The following CDKN1C variants were observed in gnomAD, a reference collection of about 807,000 sequenced individuals.
The protein encoded by CDKN1C is cyclin dependent kinase inhibitor 1C.
Under a neutral mutation model 16.5 loss-of-function variants are expected in CDKN1C, and 7 were observed. The ratio of observed to expected loss-of-function variants is 0.42; its 90% CI spans 0.24 to 0.80. The LOEUF (loss-of-function observed/expected upper bound fraction) is 0.80. Among genes scored for constraint, CDKN1C ranks in the 30% least tolerant of loss-of-function variants. The pLI is 0.26. For missense variants in CDKN1C, 429 were observed against 437.3 expected (o/e 0.98, Z 0.17); for synonymous variants, 288 against 214.4 (o/e 1.34, Z -3.00).
intron 2 of CDKN1C, 163 bp downstream of exon 2, chr11:2,884,507 G>C (rs1462730579): frequency 2.7e-6 from 1 of 370,990 alleles, no homozygotes; most frequent in African/African-American, 2.1e-5. Context: ...ACAACAACGG[G>C]GCGGGGAGGG....
rs2133780392 is a variant in CDKN1C at position 2,884,137 on chromosome 11, G to A, written c.788-3C>T. The A allele has an allele frequency of 1.4e-6, 2 of 1,474,866 alleles. No homozygotes were observed. The highest frequency in any genetic ancestry group is 1.8e-6 in the Non-Finnish European group (2 of 1,108,364). The allele number at this position is 1,474,866 out of a possible 1,614,324, so 91.4% of individuals were successfully genotyped here. A position where few individuals can be genotyped will look rare whatever the true frequency, so the allele number is the denominator to read the frequency against. ...TCTCTTGCGCTTGGCGAAGAAATCT[G>A]CGGGCGACAGCGCGCGCGGCCGGTC... On this transcript the variant is annotated splice_region_variant and splice_polypyrimidine_tract_variant and intron_variant, in intron 2 of 3. Transcript: ENST00000440480.
In CDKN1C at chr11:2,884,159, G is replaced by A. The variant is rs978900502; in HGVS notation, c.788-25C>T. The A allele has an allele frequency of 5.5e-6, 8 of 1,458,962 alleles. No homozygotes were observed. In the African/African-American group the frequency reaches 5.9e-5, roughly 11 times the overall value. The allele number at this position is 1,458,962 out of a possible 1,614,324, so 90.4% of individuals were successfully genotyped here. On this transcript the variant is annotated intron_variant, in intron 2 of 3. Coordinates refer to ENST00000440480, the MANE Select transcript of CDKN1C (RefSeq NM_001122630.2). ...TCTGCGGGCGACAGCGCGCGCGGCC[G>A]GTCAGGGCGGGGCCGGCCCGGAGAC...
intron 1 of CDKN1C, 69 bp downstream of exon 1, chr11:2,885,565 G>A (rs573428261): frequency 3.3e-6 from 5 of 1,510,516 alleles, no homozygotes; most frequent in African/African-American, 2.8e-5. Flanking sequence ...AGGAGGAGAG[G>A]GCGGAGGCCG....
chr11:2,884,345 C>T (rs2133780953), intron 2 of CDKN1C: 2 of 222,942 alleles, frequency 9.0e-6, no homozygotes, highest in South Asian at 1.7e-4. Flanking sequence ...CCCCCGGGGC[C>T]GCCGCCGCGC....
chr11:2,884,489 T>G, intron 2 of CDKN1C, 181 bp downstream of exon 2: 1 of 346,544 alleles, frequency 2.9e-6, no homozygotes, highest in Non-Finnish European at 5.1e-6. Context: ...GCGAAGCCGC[T>G]GGAGGGCACA....
In CDKN1C at chr11:2,884,839, G is replaced by C. The variant is rs751669088; in HGVS notation, c.618C>G (p.Asp206Glu). The change falls in exon 2 of 4, where the codon GAC (aspartate) becomes GAG (glutamate). Residue 206 changes from aspartate (D) to glutamate (E), a missense_variant. By Grantham distance (45) the Asp-to-Glu change is conservative (BLOSUM62 2). Transcript: ENST00000440480. Reference protein sequence around the residue: ...APAPAPAPAPDAAPQESAEQG... With the variant: ...APAPAPAPAPEAAPQESAEQG... Reference sequence around the variant, plus strand: ...GCTCGGCGCTCTCTTGAGGCGCCGCGTCCGGGGCCGGGGCCGGGGCGGGGG... The same window carrying C: ...GCTCGGCGCTCTCTTGAGGCGCCGCCTCCGGGGCCGGGGCCGGGGCGGGGG... 3 of 1,215,860 alleles carry C rather than the reference G, an allele frequency of 2.5e-6. No individual in the cohort carries two copies. In the South Asian group the frequency reaches 8.4e-5, roughly 34 times the overall value. 75.3% of individuals were successfully genotyped at this position (1,215,860 alleles called of 1,614,324 possible). A position where few individuals can be genotyped will look rare whatever the true frequency, so the allele number is the denominator to read the frequency against.
At position 2,885,469 on chromosome 11, in the gene CDKN1C, G is replaced by T; in HGVS notation, c.-10-3C>A. The stretch of plus-strand genomic sequence containing the variant: ...CAAGACGCTCCATCGTGGATGTGCT[G>T]CGGAGGGACGCGTCGGACATGGCCC... On this transcript the variant is annotated splice_region_variant and splice_polypyrimidine_tract_variant and intron_variant, in intron 1 of 3. Transcript: ENST00000440480. 6.5e-7 allele frequency: 1 copy of T among 1,544,708 alleles called. No homozygotes were observed.
chr11:2,883,869 A>G lies in CDKN1C; in HGVS notation c.*52T>C. On this transcript the variant is annotated 3_prime_UTR_variant, in exon 4 of 4. Transcript: ENST00000440480. ...CCAGCCGAGGCCCAGCGCCCTTCCA[A>G]CGTCCGCTGCCCCGGCAGGTTCCCT... 2 of 1,558,716 alleles carry G rather than the reference A, an allele frequency of 1.3e-6. No homozygotes were observed. Among genetic ancestry groups the G allele is most frequent in the Non-Finnish European group, 1.7e-6 (2 of 1,151,976 alleles).
intron 1 of CDKN1C, 56 bp downstream of exon 1, chr11:2,885,578 C>T: frequency 6.8e-7 from 1 of 1,481,212 alleles, no homozygotes; most frequent in Non-Finnish European, 9.0e-7. Flanking sequence ...GGAGGCCGGG[C>T]GCAAGGGAGA....
chr11:2,885,527 G>C, intron 1 of CDKN1C, 61 bp from the exon 2 acceptor site: 4 of 1,536,940 alleles, frequency 2.6e-6, no homozygotes, highest in Non-Finnish European at 3.5e-6. Context: ...CGAGAGAGGA[G>C]AGGACAGCGA....
chr11:2,884,944 CG>C lies in CDKN1C; in HGVS notation c.512del (p.Pro171ArgfsTer90). Reference sequence around the variant, plus strand: ...CCGGAGCCGGAGCCGGAGCCGGGGCCGGGGCCGGGGCCAGGACCGCGACCGC... The same window carrying C: ...CCGGAGCCGGAGCCGGAGCCGGGGCCGGGCCGGGGCCAGGACCGCGACCGC... Reference protein sequence around the residue: ...PVAVAVLAPAPAPAPAPAPAP... With the variant: ...PVAVAVLAPAXAPAPAPAPAP... On this transcript the variant is annotated frameshift_variant, in exon 2 of 4. Coordinates refer to ENST00000440480, the MANE Select transcript of CDKN1C (RefSeq NM_001122630.2). LOFTEE classifies it high-confidence loss of function. 1 of 990,618 alleles carries C rather than the reference CG, an allele frequency of 1.0e-6. No homozygotes were observed. The highest frequency in any genetic ancestry group is 1.3e-6 in the Non-Finnish European group (1 of 795,450). 61.4% of individuals were successfully genotyped at this position (990,618 alleles called of 1,614,324 possible). A position where few individuals can be genotyped will look rare whatever the true frequency, so the allele number is the denominator to read the frequency against.
Position 2,885,085 on chromosome 11 carries a change from C to T in CDKN1C, c.372G>A (p.Gln124=). Residue 124 remains glutamine, a synonymous_variant, in exon 2 of 4, where the codon CAG becomes CAA. Coordinates refer to ENST00000440480, the MANE Select transcript of CDKN1C (RefSeq NM_001122630.2). ...SLDGLEEAPE[Q]LPSVPVPAPA... ...GGGCCGGGACCGGGACACTAGGCAGCTGCTCCGGCGCCTCCTCGAGGCCGT... is the reference window on the plus strand; with the variant it reads ...GGGCCGGGACCGGGACACTAGGCAGTTGCTCCGGCGCCTCCTCGAGGCCGT... 3 of 1,408,874 alleles carry T rather than the reference C, an allele frequency of 2.1e-6. No homozygotes were observed. Among genetic ancestry groups the T allele is most frequent in the Non-Finnish European group, 2.7e-6 (3 of 1,093,280 alleles). The allele number at this position is 1,408,874 out of a possible 1,614,324, so 87.3% of individuals were successfully genotyped here.
At position 2,883,736 on chromosome 11, in the gene CDKN1C, T is replaced by TA. The variant is rs1848858772; in HGVS notation, c.*184dup. On this transcript the variant is annotated 3_prime_UTR_variant, in exon 4 of 4. Transcript: ENST00000440480. ...TGTACCTTCTCGTGCAGAATACATT[T>TA]AGATATAAAAAGACGTTATTAATAC... is the stretch of plus-strand genomic sequence containing the variant. 2 of 1,406,138 alleles carry TA rather than the reference T, an allele frequency of 1.4e-6. No homozygotes were observed. Among genetic ancestry groups the TA allele is most frequent in the Non-Finnish European group, 9.3e-7 (1 of 1,077,624 alleles). The allele number at this position is 1,406,138 out of a possible 1,614,324, so 87.1% of individuals were successfully genotyped here. A position where few individuals can be genotyped will look rare whatever the true frequency, so the allele number is the denominator to read the frequency against.
In CDKN1C at chr11:2,883,895, C is replaced by CGGGGCTCTT; in HGVS notation, c.*17_*25dup. On this transcript the variant is annotated 3_prime_UTR_variant, in exon 4 of 4. Transcript: ENST00000440480. ...CGTCCGCTGCCCCGGCAGGTTCCCTCGGGGCTCTTTGGGCTCTAAACTGCG... is the reference window on the plus strand; with the variant it reads ...CGTCCGCTGCCCCGGCAGGTTCCCTCGGGGCTCTTGGGGCTCTTTGGGCTCTAAACTGCG... The CGGGGCTCTT allele has an allele frequency of 5.7e-6, 9 of 1,579,550 alleles. No individual in the cohort carries two copies. Among genetic ancestry groups the CGGGGCTCTT allele is most frequent in the Non-Finnish European group, 7.7e-6 (9 of 1,162,388 alleles).
chr11:2,885,217 G>A lies in CDKN1C; in HGVS notation c.240C>T (p.Tyr80=), dbSNP rs2133785556. The part of the protein sequence containing the change: ...EVDSDSVPAF[Y]RETVQVGRCR... ...AGCGCCCCACCTGCACCGTCTCGCGGTAGAACGCGGGCACCGAGTCGCTGT... is the reference window on the plus strand; with the variant it reads ...AGCGCCCCACCTGCACCGTCTCGCGATAGAACGCGGGCACCGAGTCGCTGT... The change falls in exon 2 of 4, where the codon TAC becomes TAT. Residue 80 remains tyrosine (Y), a synonymous_variant. Transcript: ENST00000440480. The A allele has an allele frequency of 8.4e-6, 13 of 1,546,462 alleles. No homozygotes were observed. Among genetic ancestry groups the A allele is most frequent in the Non-Finnish European group, 1.1e-5 (13 of 1,148,646 alleles).
At position 2,885,701 on chromosome 11, in the gene CDKN1C, C is replaced by T. The variant is rs1248015792; in HGVS notation, c.-78G>A. On this transcript the variant is annotated 5_prime_UTR_variant, in exon 1 of 4. Transcript: ENST00000440480. ...TCTCGTCCGGACGGCAGCCGCGCCC[C>T]CTCGATGCCTGCTGGCTAGCTCGCT... The T allele has an allele frequency of 3.2e-6, 2 of 618,162 alleles. No homozygotes were observed. The highest frequency in any genetic ancestry group is 1.8e-5 in the African/African-American group (1 of 54,222). 38.3% of individuals were successfully genotyped at this position (618,162 alleles called of 1,614,324 possible). A position where few individuals can be genotyped will look rare whatever the true frequency, so the allele number is the denominator to read the frequency against.
chr11:2,885,620 G>A lies in CDKN1C; in HGVS notation c.-11+14C>T. On this transcript the variant is annotated intron_variant, in intron 1 of 3. Transcript: ENST00000440480. ...GCCGCCCGACTCTGCGTGTGCGAGG[G>A]ACGCGGCGGCTACCTGGCTGTCCGG... 1 of 1,177,826 alleles carries A rather than the reference G, an allele frequency of 8.5e-7. No individual in the cohort carries two copies. Among genetic ancestry groups the A allele is most frequent in the Non-Finnish European group, 1.2e-6 (1 of 842,200 alleles). 73.0% of individuals were successfully genotyped at this position (1,177,826 alleles called of 1,614,324 possible). A position where few individuals can be genotyped will look rare whatever the true frequency, so the allele number is the denominator to read the frequency against.
In CDKN1C at chr11:2,884,908, T is replaced by TGGAGCCGGGGCC. The variant is rs997267634; in HGVS notation, c.537_548dup (p.Ala180_Pro183dup). 4.7e-5 allele frequency: 36 copies of TGGAGCCGGGGCC among 770,016 alleles called. No homozygotes were observed. The highest frequency in any genetic ancestry group is 5.5e-5 in the Non-Finnish European group (35 of 638,078). The allele number at this position is 770,016 out of a possible 1,614,324, so 47.7% of individuals were successfully genotyped here. A position where few individuals can be genotyped will look rare whatever the true frequency, so the allele number is the denominator to read the frequency against. On this transcript the variant is annotated inframe_insertion, in exon 2 of 4. Transcript: ENST00000440480. ...CCGGGGCTGGGGCCGGGGCCGCGAC[T>TGGAGCCGGGGCC]GGAGCCGGGGCCGGAGCCGGAGCCG...
chr11:2,884,956 C>T lies in CDKN1C; in HGVS notation c.501G>A (p.Leu167=). ...CCGGAGCCGGGGCCGGGGCCGGGGC[C>T]AGGACCGCGACCGCGACCGGAGCCG... is the stretch of plus-strand genomic sequence containing the variant. ...PVAAPVAVAV[L]APAPAPAPAP... Residue 167 remains leucine, a synonymous_variant, in exon 2 of 4, where the codon CTG becomes CTA. Transcript: ENST00000440480. The T allele has an allele frequency of 9.5e-7, 1 of 1,049,892 alleles. No homozygotes were observed. Among genetic ancestry groups the T allele is most frequent in the Non-Finnish European group, 1.2e-6 (1 of 839,836 alleles). 65.0% of individuals were successfully genotyped at this position (1,049,892 alleles called of 1,614,324 possible). A position where few individuals can be genotyped will look rare whatever the true frequency, so the allele number is the denominator to read the frequency against.
Sources: gnomAD v4.1 joint callset for allele counts on GRCh38, gnomAD v4.1.1 for gene constraint, MANE v1.5 for transcripts, NCBI Gene and HGNC (gene_info 2026-07-23, HGNC 2026-07-21) for gene names.